EIF4G3: variants seen among roughly 807,000 people sequenced by gnomAD.
The protein encoded by EIF4G3 is eIF-4-gamma 3.
EIF4G3 carries 34 observed loss-of-function variants against 186.4 expected under a neutral mutation model. That is an observed-to-expected ratio of 0.18 (90% CI 0.14 to 0.24). The LOEUF (loss-of-function observed/expected upper bound fraction) is 0.24, where lower values mean the gene tolerates loss of function less well. Ranked by LOEUF, EIF4G3 falls within the 10% of genes least tolerant of loss-of-function variation. The probability of loss-of-function intolerance (pLI) is 1.00; values close to 1 mark genes in which losing one functional copy is unlikely to be tolerated. For synonymous variants in EIF4G3, 673 were observed against 679.5 expected (o/e 0.99, Z 0.15); for missense variants, 1,536 against 1,948.5 (o/e 0.79, Z 3.99).
chr1:20,839,555 T>G (rs371879214), intron 30 of EIF4G3, among the ~76,000 whole-genome samples: 33 of 152,262 alleles, frequency 2.2e-4, no homozygotes, highest in African/African-American at 7.9e-4. Flanking sequence ...AGTGCAGTGG[T>G]GCAACCTTGG....
rs574370178 is a variant in EIF4G3 at position 21,095,455 on chromosome 1, G to T, written c.-271-6242C>A. On this transcript the variant is annotated intron_variant, in intron 2 of 36. Transcript: ENST00000602326. ...CTCACCAGAGTAGCTGGGACTACAG[G>T]TGTGTACCATCGTGCCCAGCTAATC... 6.2e-4 allele frequency among the ~76,000 whole-genome samples: 95 copies of T among 152,214 alleles called. 3 individuals are homozygous for T. The South Asian group carries it at 0.018, about 29-fold the overall frequency.
At chr1:20,956,534 T>C (rs2096424505) in intron 12 of EIF4G3, among the ~76,000 whole-genome samples, 1 of 141,298 alleles carries the variant, frequency 7.1e-6, no homozygotes, top group African/African-American at 2.6e-5. Context: ...ATGTAATGAC[T>C]GTGGAGAGTG....
chr1:20,833,784 T>C (rs2065959969), intron 30 of EIF4G3, among the ~76,000 whole-genome samples: 2 of 152,124 alleles, frequency 1.3e-5, no homozygotes, highest in Non-Finnish European at 2.9e-5. Flanking sequence ...ATAAATTAGG[T>C]ATTGATGGGA....
chr1:20,922,461 T>C (rs977695175), intron 14 of EIF4G3, among the ~76,000 whole-genome samples: 3 of 151,806 alleles, frequency 2.0e-5, no homozygotes, highest in African/African-American at 7.3e-5. Flanking sequence ...CCACGCCCGG[T>C]TGATTTTGTA....
chr1:20,884,045 G>A (rs2083291859), intron 19 of EIF4G3, among the ~76,000 whole-genome samples: 1 of 152,188 alleles, frequency 6.6e-6, no homozygotes, highest in Non-Finnish European at 1.5e-5. Flanking sequence ...GTCATCAACA[G>A]TGGTCGTTCA....
chr1:20,985,943 G>C (rs1340408121), intron 7 of EIF4G3, among the ~76,000 whole-genome samples: 1 of 152,016 alleles, frequency 6.6e-6, no homozygotes, highest in Non-Finnish European at 1.5e-5. Flanking sequence ...CTATCCACTT[G>C]TCTCGTGTCC....
chr1:21,174,531 G>A (rs184811178), intron 2 of EIF4G3, among the ~76,000 whole-genome samples: 15 of 152,258 alleles, frequency 9.9e-5, no homozygotes, highest in African/African-American at 3.1e-4. Context: ...GCACAATTCA[G>A]AAACTTAAAA....
intron 14 of EIF4G3, among the ~76,000 whole-genome samples, chr1:20,910,878 A>G (rs1029789719): frequency 5.3e-5 from 8 of 152,254 alleles, no homozygotes; most frequent in South Asian, 4.1e-4. Flanking sequence ...AACTGGAAGG[A>G]AACAAAGAAA....
At chr1:21,117,309 T>G (rs1310484352) in intron 2 of EIF4G3, among the ~76,000 whole-genome samples, 2 of 152,028 alleles carry the variant, frequency 1.3e-5, no homozygotes, top group Non-Finnish European at 1.5e-5. Flanking sequence ...TGAATGAGTA[T>G]CAAGCACCAA....
At chr1:21,093,182 A>C (rs1383072026) in intron 2 of EIF4G3, among the ~76,000 whole-genome samples, 2 of 152,234 alleles carry the variant, frequency 1.3e-5, no homozygotes, top group East Asian at 3.8e-4. Context: ...AATGGAAGAA[A>C]AATTTTGCAA....
intron 3 of EIF4G3, among the ~76,000 whole-genome samples, chr1:21,074,827 T>TG (rs1161496436): frequency 1.3e-5 from 2 of 152,144 alleles, no homozygotes; most frequent in African/African-American, 2.4e-5. Flanking sequence ...TCCTAGGACT[T>TG]GGAGAGGCCG....
chr1:21,087,472 T>C (rs1277706285), intron 3 of EIF4G3, among the ~76,000 whole-genome samples: 1 of 152,146 alleles, frequency 6.6e-6, no homozygotes, highest in African/African-American at 2.4e-5. Flanking sequence ...TATTTTCCCT[T>C]CATTTATGAA....
intron 18 of EIF4G3, among the ~76,000 whole-genome samples, chr1:20,890,340 ATAAT>A (rs1214547896): frequency 6.6e-6 from 1 of 152,206 alleles, no homozygotes; most frequent in Non-Finnish European, 1.5e-5. Flanking sequence ...TCATTAAGTG[ATAAT>A]TAATTATAAG....
intron 18 of EIF4G3, among the ~76,000 whole-genome samples, chr1:20,889,930 A>G (rs1391832470): frequency 6.6e-6 from 1 of 152,130 alleles, no homozygotes; most frequent in African/African-American, 2.4e-5. Flanking sequence ...ATTGGCATAC[A>G]TTAAAAATAT....
chr1:20,891,111 G>A (rs1211263262), intron 18 of EIF4G3, among the ~76,000 whole-genome samples: 1 of 152,218 alleles, frequency 6.6e-6, no homozygotes, highest in African/African-American at 2.4e-5. Context: ...GTATACAGAG[G>A]AGTGGTATAT....
At position 21,005,566 on chromosome 1, in the gene EIF4G3, A is replaced by G. The variant is rs115422982; in HGVS notation, c.-66-2758T>C. 5.1e-3 allele frequency among the ~76,000 whole-genome samples: 784 copies of G among 152,320 alleles called. 9 individuals carry two copies. The highest frequency in any genetic ancestry group is 0.018 in the African/African-American group (761 of 41,582). ...TTCATTGAAGATGCTAAAAATATACATGACAACCTTATTTGACTTCACTCA... is the reference window on the plus strand; with the variant it reads ...TTCATTGAAGATGCTAAAAATATACGTGACAACCTTATTTGACTTCACTCA... On this transcript the variant is annotated intron_variant, in intron 4 of 36. Coordinates refer to ENST00000602326, the MANE Select transcript of EIF4G3 (RefSeq NM_001391906.1).
At chr1:20,854,908 T>C in intron 26 of EIF4G3, 70 bp downstream of exon 26, 2 of 1,299,518 alleles carry the variant, frequency 1.5e-6, no homozygotes, top group Non-Finnish European at 1.1e-6. Context: ...ATTCGATGAC[T>C]ATGGGAATGC....
In EIF4G3 at chr1:20,817,526, T is replaced by G. The variant is rs773772573; in HGVS notation, c.4381A>C (p.Ile1461Leu). Residue 1461 changes from isoleucine to leucine, a missense_variant, in exon 34 of 37, where the codon ATA becomes CTA. This residue lies in a region of EIF4G3 where 395 missense variants were observed against 498.9 expected (regional missense o/e 0.79). Transcript: ENST00000602326. ...GAGGAACAGGGACTGTCAGACTCTATGAAGTCCAACTTCTGAAACATAAAA... is the reference window on the plus strand; with the variant it reads ...GAGGAACAGGGACTGTCAGACTCTAGGAAGTCCAACTTCTGAAACATAAAA... ...NFLLEQKLDF[I>L]ESDSPCSSEA... 6 of 1,591,996 alleles carry G rather than the reference T, an allele frequency of 3.8e-6. No individual in the cohort carries two copies. The highest frequency in any genetic ancestry group is 5.1e-6 in the Non-Finnish European group (6 of 1,168,152).
intron 2 of EIF4G3, chr1:21,111,263 G>T: frequency 2.1e-6 from 1 of 470,248 alleles, no homozygotes; most frequent in Non-Finnish European, 4.4e-6. Context: ...CGAAGGCATA[G>T]ACTTTGAAGC....
Sources: gnomAD v4.1 joint callset for allele counts (sites outside exome capture counted in the v4.1 genomes callset) on GRCh38, gnomAD v4.1.1 for gene constraint, gnomAD v4.1.1 regional missense constraint, MANE v1.5 for transcripts, NCBI Gene and HGNC (gene_info 2026-07-23, HGNC 2026-07-21) for gene names.